Variants in OSBPL5 observed in about 807,000 individuals in gnomAD.
OSBPL5 encodes the protein oxysterol-binding protein-related protein 5.
In OSBPL5, 71 loss-of-function variants were observed where a neutral mutation model predicts 111.2. The observed-to-expected ratio is 0.64, with a 90% CI of 0.53 to 0.78. The LOEUF (loss-of-function observed/expected upper bound fraction) is 0.78, where lower values mean the gene tolerates loss of function less well. OSBPL5 is among the 30% of genes least tolerant of loss of function. The probability of loss-of-function intolerance (pLI) is 0.00; values close to 1 mark genes in which losing one functional copy is unlikely to be tolerated. For missense variants in OSBPL5, 1,210 were observed against 1,189.3 expected, an observed-to-expected ratio of 1.02 and a Z score of -0.26; for synonymous variants, 549 against 513.9, an observed-to-expected ratio of 1.07 and a Z score of -0.93.
chr11:3,157,114 C>T (rs1229053202), intron 1 of OSBPL5, among the ~76,000 whole-genome samples: 7 of 152,230 alleles, frequency 4.6e-5, no homozygotes, highest in Non-Finnish European at 7.3e-5. Flanking sequence ...CCTGGCTTCA[C>T]GCACTAATGA....
chr11:3,143,059 G>T (rs1282461557), intron 1 of OSBPL5, among the ~76,000 whole-genome samples: 1 of 81,784 alleles, frequency 1.2e-5, no homozygotes, highest in Non-Finnish European at 2.5e-5. Context: ...CAGGTGCGGA[G>T]CGGGGCAGAG....
chr11:3,102,064 C>T, intron 12 of OSBPL5, 119 bp downstream of exon 12: 2 of 1,011,184 alleles, frequency 2.0e-6, no homozygotes, highest in South Asian at 1.5e-5. Context: ...ATGTGGGGTC[C>T]CCTGGAAGCC....
intron 1 of OSBPL5, among the ~76,000 whole-genome samples, chr11:3,153,633 T>C (rs889420249): frequency 6.6e-6 from 1 of 151,776 alleles, no homozygotes; most frequent in Non-Finnish European, 1.5e-5. Context: ...ACAAACAGCA[T>C]GTTCCTTGCA....
intron 14 of OSBPL5, among the ~76,000 whole-genome samples, chr11:3,096,501 G>A (rs1233129482): frequency 6.6e-6 from 1 of 151,784 alleles, no homozygotes; most frequent in Non-Finnish European, 1.5e-5. Flanking sequence ...CGCATGTAAT[G>A]CTAGCTACTC....
rs1427430412 is a variant in OSBPL5 at position 3,140,119 on chromosome 11, A to C, written c.-21-10950T>G. Among the ~76,000 whole-genome samples, 3 of 152,332 alleles carry C rather than the reference A, an allele frequency of 2.0e-5. No homozygotes were observed. Among genetic ancestry groups the C allele is most frequent in the Admixed American group, 2.0e-4 (3 of 15,312 alleles). On this transcript the variant is annotated intron_variant, in intron 1 of 21. Coordinates refer to ENST00000263650, the MANE Select transcript of OSBPL5 (RefSeq NM_020896.4). This position sits in a 1 kb window ranked among gnomAD's most constrained non-coding sequence, Gnocchi z 4.5. ...CTCTGCCAAGGAGCTCCCTCTGCAG[A>C]GGAGAACCCGGCCAAGGTCCCCCAA...
intron 1 of OSBPL5, among the ~76,000 whole-genome samples, chr11:3,134,903 T>A (rs1845909241): frequency 6.6e-6 from 1 of 152,058 alleles, no homozygotes; most frequent in African/African-American, 2.4e-5. Flanking sequence ...ACCACCAGCC[T>A]GGGAGAGCTG....
rs935813734 is a variant in OSBPL5, at chr11:3,109,689, C to A, written c.692-1744G>T. Among the ~76,000 whole-genome samples the A allele has an allele frequency of 3.3e-5, 5 of 151,882 alleles. No individual in the cohort carries two copies. The East Asian group carries it at 5.8e-4, about 18-fold the overall frequency. ...CAGGCTTGGTTGGTGCCAGAGCGGC[C>A]AAGCCTGGGCGGAACACCAGGGTTG... On this transcript the variant is annotated intron_variant, in intron 7 of 21. Transcript: ENST00000263650. This position sits in a 1 kb window ranked among gnomAD's most constrained non-coding sequence, Gnocchi z 7.4.
chr11:3,156,505 G>A (rs11025667), intron 1 of OSBPL5, among the ~76,000 whole-genome samples: 1 of 152,088 alleles, frequency 6.6e-6, no homozygotes, highest in Non-Finnish European at 1.5e-5. Flanking sequence ...AGCCCGCCTG[G>A]GAGTGTGAGC....
rs117875075 is a variant in OSBPL5 at position 3,150,921 on chromosome 11, G to A, written c.-22+14295C>T. 7.8e-3 allele frequency among the ~76,000 whole-genome samples: 1,193 copies of A among 152,278 alleles called. 16 individuals carry two copies. The highest frequency in any genetic ancestry group is 0.014 in the Non-Finnish European group (942 of 68,006). ...TCCCAGGAGTCACGGCGGGCTGCCC[G>A]CTGTGGCCACCCTCTCCCGGCGGTG... On this transcript the variant is annotated intron_variant, in intron 1 of 21. Coordinates refer to ENST00000263650, the MANE Select transcript of OSBPL5 (RefSeq NM_020896.4).
intron 7 of OSBPL5, among the ~76,000 whole-genome samples, chr11:3,112,709 T>A (rs1858047862): frequency 6.6e-6 from 1 of 152,170 alleles, no homozygotes; most frequent in Non-Finnish European, 1.5e-5. Context: ...TGATAGGTAG[T>A]CCCTACTACA....
At chr11:3,112,065 G>GTGTGCA (rs1554898299) in intron 7 of OSBPL5, among the ~76,000 whole-genome samples, 2 of 69,464 alleles carry the variant, frequency 2.9e-5, no homozygotes, top group Non-Finnish European at 5.8e-5. Flanking sequence ...GCATGTGTAT[G>GTGTGCA]TGTGTGTGCA....
Position 3,121,195 on chromosome 11 carries a change from T to A in OSBPL5, c.403-571A>T, listed in dbSNP as rs1000047174. Among the ~76,000 whole-genome samples the A allele has an allele frequency of 6.6e-6, 1 of 151,866 alleles. No individual in the cohort carries two copies. Among genetic ancestry groups the A allele is most frequent in the African/African-American group, 2.4e-5 (1 of 41,358 alleles). On this transcript the variant is annotated intron_variant, in intron 5 of 21. Transcript: ENST00000263650. This position sits in a 1 kb window ranked among gnomAD's most constrained non-coding sequence, Gnocchi z 4.3. ...GCCTCAGCCGCCCGAGTAGCTGGGA[T>A]TACAGGCGCCCGCCACCATGCCTGG...
chr11:3,151,568 T>G (rs1204810354), intron 1 of OSBPL5, among the ~76,000 whole-genome samples: 1 of 152,162 alleles, frequency 6.6e-6, no homozygotes, highest in Non-Finnish European at 1.5e-5. Flanking sequence ...CTGCCCTTTT[T>G]CCCATGAAAA....
chr11:3,120,345 C>A, intron 6 of OSBPL5, 76 bp downstream of exon 6: 10 of 1,527,054 alleles, frequency 6.5e-6, no homozygotes, highest in Non-Finnish European at 8.8e-6. Flanking sequence ...GTTGGCTCCA[C>A]CCTCCACCAG....
chr11:3,139,872 G>A (rs148525531), intron 1 of OSBPL5, among the ~76,000 whole-genome samples: 1 of 152,354 alleles, frequency 6.6e-6, no homozygotes, highest in East Asian at 1.9e-4. Flanking sequence ...GCGTTTACTC[G>A]CAGAGGCTGA....
At position 3,121,145 on chromosome 11, in the gene OSBPL5, C is replaced by T. The variant is rs1858400905; in HGVS notation, c.403-521G>A. On this transcript the variant is annotated intron_variant, in intron 5 of 21. Transcript: ENST00000263650. The surrounding 1 kb of genome is among the most constrained non-coding windows in gnomAD (Gnocchi z 4.3). ...CTATCTTGGCTCGCTGCAAACTCTGCCTCCCAGGTTCAAGCGATTCTCCTG... is the reference window on the plus strand; with the variant it reads ...CTATCTTGGCTCGCTGCAAACTCTGTCTCCCAGGTTCAAGCGATTCTCCTG... 6.7e-6 allele frequency among the ~76,000 whole-genome samples: 1 copy of T among 150,230 alleles called. No homozygotes were observed. Among genetic ancestry groups the T allele is most frequent in the South Asian group, 2.1e-4 (1 of 4,756 alleles).
intron 2 of OSBPL5, among the ~76,000 whole-genome samples, chr11:3,127,472 G>A (rs1858667736): frequency 6.6e-6 from 1 of 152,136 alleles, no homozygotes; most frequent in Admixed American, 6.5e-5. Flanking sequence ...GGTGGCCTGA[G>A]GAAGTGGTTC....
rs552382553 is a variant in OSBPL5, at chr11:3,098,495, A to ATTTTTTTTTTTTTT, written c.1621+1649_1621+1662dup. 3.4e-4 allele frequency among the ~76,000 whole-genome samples: 28 copies of ATTTTTTTTTTTTTT among 81,190 alleles called. 1 individual carries two copies. The highest frequency in any genetic ancestry group is 6.9e-4 in the African/African-American group (11 of 15,914). 53.3% of individuals were successfully genotyped at this position (81,190 alleles called of 152,430 possible). ...TCAAGCCATAAAAAGACATGAAGGA[A>ATTTTTTTTTTTTTT]TTTTTTTTTTTTTTTTTTTTTTTTT... On this transcript the variant is annotated intron_variant, in intron 14 of 21. Coordinates refer to ENST00000263650, the MANE Select transcript of OSBPL5 (RefSeq NM_020896.4).
At chr11:3,129,602 G>T (rs1858756025) in intron 1 of OSBPL5, among the ~76,000 whole-genome samples, 1 of 152,188 alleles carries the variant, frequency 6.6e-6, no homozygotes. Context: ...AGATGCACGG[G>T]GGTGAGACCA....
Sources: gnomAD v4.1 joint callset for allele counts (sites outside exome capture counted in the v4.1 genomes callset) on GRCh38, gnomAD v4.1.1 for gene constraint, Gnocchi (gnomAD v3.1) non-coding constraint, MANE v1.5 for transcripts, NCBI Gene and HGNC (gene_info 2026-07-23, HGNC 2026-07-21) for gene names.